The following NID2 variants were observed in gnomAD, a reference collection of about 807,000 sequenced individuals.
NID2 encodes the protein nidogen 2.
A neutral mutation model predicts 145.4 loss-of-function variants in NID2; 83 were observed. That is an observed-to-expected ratio of 0.57 (90% CI 0.48 to 0.69). NID2 has a LOEUF of 0.69. Ranked by LOEUF, NID2 falls within the 30% of genes least tolerant of loss-of-function variation. NID2 has a pLI of 0.00. For synonymous variants in NID2, 739 were observed against 701.3 expected, an observed-to-expected ratio of 1.05 and a Z score of -0.85; for missense variants, 1,807 against 1,765.7, an observed-to-expected ratio of 1.02 and a Z score of -0.42.
intron 8 of NID2, 35 bp downstream of exon 8, chr14:52,040,616 C>T: frequency 6.4e-7 from 1 of 1,572,998 alleles, no homozygotes; most frequent in Non-Finnish European, 8.7e-7. Context: ...GGGCATAATC[C>T]CCATTTTACA....
rs747033960 is a variant in NID2 at position 52,040,836 on chromosome 14, T to C, written c.1841A>G (p.His614Arg). 1.2e-6 allele frequency: 2 copies of C among 1,614,158 alleles called. No individual in the cohort carries two copies. Among genetic ancestry groups the C allele is most frequent in the Non-Finnish European group, 1.7e-6 (2 of 1,180,016 alleles). The change falls in exon 8 of 22, where the codon CAT (histidine) becomes CGT (arginine). Residue 614 changes from histidine to arginine, a missense_variant. Physicochemically the swap from His to Arg is conservative, Grantham distance 29. Coordinates refer to ENST00000216286, the MANE Select transcript of NID2 (RefSeq NM_007361.4). Reference sequence around the variant, plus strand: ...CGGGTAGAATGTAACTTCCATGTCATGGGTAAAGGCAGCACCTGGAGATGA... The same window carrying C: ...CGGGTAGAATGTAACTTCCATGTCACGGGTAAAGGCAGCACCTGGAGATGA... ...GFSLAGAAFT[H>R]DMEVTFYPGE...
intron 5 of NID2, among the ~76,000 whole-genome samples, chr14:52,050,828 C>T (rs75088405): frequency 0.026 from 3,908 of 152,278 alleles, 64 homozygotes; most frequent in African/African-American, 0.051. Flanking sequence ...AGGCTGGTCT[C>T]GAACTCCCCA....
Position 52,038,741 on chromosome 14 carries a change from C to A in NID2, c.2257+6G>T, listed in dbSNP as rs201841167. 4.5e-6 allele frequency: 7 copies of A among 1,546,262 alleles called. No homozygotes were observed. The South Asian group carries it at 7.5e-5, about 17-fold the overall frequency. On this transcript the variant is annotated splice_donor_region_variant and intron_variant, in intron 9 of 21. Transcript: ENST00000216286. ...TTTTACCCAACAACAAAAAAGGAAA[C>A]CTTACCTTTGACCGGGCCAATTTGA...
intron 7 of NID2, among the ~76,000 whole-genome samples, chr14:52,041,179 C>CA (rs11481357): frequency 0.46 from 69,650 of 151,868 alleles, 16,475 homozygotes; most frequent in Non-Finnish European, 0.51. Context: ...AACCTAACAA[C>CA]AAAAAAACAA....
At chr14:52,016,934 G>C (rs1007473188) in intron 14 of NID2, among the ~76,000 whole-genome samples, 1 of 152,194 alleles carries the variant, frequency 6.6e-6, no homozygotes, top group African/African-American at 2.4e-5. Flanking sequence ...ACCAGAATTG[G>C]GGGAAGCGAA....
chr14:52,023,490 T>A (rs1297186275), intron 12 of NID2, among the ~76,000 whole-genome samples: 4 of 150,638 alleles, frequency 2.7e-5, no homozygotes, highest in Non-Finnish European at 5.9e-5. Context: ...TAAAAAAAAA[T>A]AAGAAAAGAA....
chr14:52,006,605 T>G lies in NID2; in HGVS notation c.3936A>C (p.Gln1312His), dbSNP rs762546184. 1 of 1,613,962 alleles carries G rather than the reference T, an allele frequency of 6.2e-7. No individual in the cohort carries two copies. The highest frequency in any genetic ancestry group is 1.1e-5 in the South Asian group (1 of 91,084). Residue 1312 changes from glutamine (Q) to histidine (H), a missense_variant, in exon 20 of 22, where the codon CAA becomes CAC. Physicochemically the swap from Gln to His is conservative, Grantham distance 24. Coordinates refer to ENST00000216286, the MANE Select transcript of NID2 (RefSeq NM_007361.4). ...LPDGTGRRVIQNNLKYPFSIV... is the reference protein window; with the variant it reads ...LPDGTGRRVIHNNLKYPFSIV... ...TGCTGAAGGGGTACTTGAGGTTGTT[T>G]TGAATGACACGCCGTCCAGTTCCAT...
At chr14:52,030,614 AAAAGAAAG>A (rs59159214) in intron 9 of NID2, among the ~76,000 whole-genome samples, 1 of 134,558 alleles carries the variant, frequency 7.4e-6, no homozygotes, top group Admixed American at 8.0e-5. Context: ...AAGAGAAAGA[AAAAGAAAG>A]AAAGAGAAAG....
At chr14:52,036,398 T>C (rs141453293) in intron 9 of NID2, among the ~76,000 whole-genome samples, 153 of 152,366 alleles carry the variant, frequency 1.0e-3, no homozygotes, top group African/African-American at 3.5e-3. Context: ...TATTTTTTGG[T>C]GTCCATCAAC....
chr14:52,045,468 A>T (rs963166204), intron 5 of NID2, among the ~76,000 whole-genome samples: 3 of 152,128 alleles, frequency 2.0e-5, no homozygotes, highest in Non-Finnish European at 4.4e-5. Flanking sequence ...TGATAAAAAT[A>T]GAAAATTAGG....
At chr14:52,005,922 A>G in intron 20 of NID2, 73 bp from the exon 21 acceptor site, 1 of 1,150,374 alleles carries the variant, frequency 8.7e-7, no homozygotes, top group Non-Finnish European at 1.3e-6. Flanking sequence ...GCCACAGAAA[A>G]TCAGTTGCAA....
rs374624228 is a variant in NID2, at chr14:52,020,108, G to A, written c.2745C>T (p.Ser915=). 2.5e-6 allele frequency: 4 copies of A among 1,614,050 alleles called. No individual in the cohort carries two copies. The African/African-American group carries it at 5.3e-5, about 22-fold the overall frequency. The change falls in exon 13 of 22, where the codon TCC becomes TCT. Residue 915 remains serine (S), a synonymous_variant. Transcript: ENST00000216286. ...ATCYNTPGSF[S]CRCQPGYYGD... ...CATAATATCCGGGTTGACAACGGCA[G>A]GAGAAGGAACCAGGAGTATTGTAGC...
intron 3 of NID2, 51 bp downstream of exon 3, chr14:52,060,073 T>C: frequency 7.3e-7 from 1 of 1,368,376 alleles, no homozygotes; most frequent in Non-Finnish European, 1.0e-6. Flanking sequence ...AGGTACTTCC[T>C]AAAAGTCCTT....
chr14:52,011,692 A>ATC lies in NID2; in HGVS notation c.3421-11_3421-10dup. ...CCCACGATTATGGAGCCCTTTGTGC[A>ATC]TCAAATCATAGAATTAGAAGAATTA... On this transcript the variant is annotated splice_polypyrimidine_tract_variant and intron_variant, in intron 16 of 21. Transcript: ENST00000216286. 6.2e-7 allele frequency: 1 copy of ATC among 1,614,080 alleles called. No individual in the cohort carries two copies.
chr14:52,050,472 G>C (rs1497086), intron 5 of NID2, among the ~76,000 whole-genome samples: 26,496 of 152,128 alleles, frequency 0.17, 3,121 homozygotes, highest in East Asian at 0.51. Context: ...CAGTGCCTTT[G>C]ACTCTCTGTC....
intron 21 of NID2, 79 bp from the exon 22 acceptor site, chr14:52,005,575 T>TTTGTGTATAAACTAGGTAGATTTA: frequency 1.3e-6 from 2 of 1,527,168 alleles, no homozygotes; most frequent in Non-Finnish European, 1.8e-6. Context: ...GTCTTTGCAT[T>TTTGTGTATAAACTAGGTAGATTTA]TTGTGTATAA....
At chr14:52,008,621 T>G (rs1223996949) in intron 18 of NID2, 1 of 152,230 alleles carries the variant, frequency 6.6e-6, no homozygotes, top group Non-Finnish European at 1.5e-5. Flanking sequence ...CATTACTAAG[T>G]TACTATCAGA....
At chr14:52,014,648 C>A (rs1369269936) in intron 15 of NID2, among the ~76,000 whole-genome samples, 192 bp from the exon 16 acceptor site, 2 of 151,896 alleles carry the variant, frequency 1.3e-5, no homozygotes, top group Non-Finnish European at 2.9e-5. Flanking sequence ...TTATGTAAAT[C>A]TGCCATTTAC....
At chr14:52,022,740 T>G (rs2140365772) in intron 12 of NID2, among the ~76,000 whole-genome samples, 1 of 152,332 alleles carries the variant, frequency 6.6e-6, no homozygotes, top group African/African-American at 2.4e-5. Flanking sequence ...GCTTTCGTGC[T>G]TCAACATCCT....
Sources: allele counts gnomAD v4.1 joint callset (sites outside exome capture counted in the v4.1 genomes callset), GRCh38; gene constraint gnomAD v4.1.1; transcripts MANE v1.5; gene names NCBI Gene and HGNC (gene_info 2026-07-23, HGNC 2026-07-21).